Variants in SNTB2 observed in about 807,000 individuals in gnomAD.
SNTB2 encodes syntrophin beta 2.
In SNTB2, 34 loss-of-function variants were observed where a neutral mutation model predicts 46.2. The ratio of observed to expected loss-of-function variants is 0.74; its 90% CI spans 0.56 to 0.98. The LOEUF (loss-of-function observed/expected upper bound fraction) is 0.98, where lower values mean the gene tolerates loss of function less well. SNTB2 is among the 50% of genes least tolerant of loss of function. The probability of loss-of-function intolerance (pLI) is 0.00; values close to 1 mark genes in which losing one functional copy is unlikely to be tolerated. For synonymous variants in SNTB2, 290 were observed against 312.6 expected (o/e 0.93, Z 0.76); for missense variants, 603 against 731.4 (o/e 0.82, Z 2.02).
Position 69,260,921 on chromosome 16 carries a change from T to G in SNTB2, c.1005+661T>G, listed in dbSNP as rs963213321. On this transcript the variant is annotated intron_variant, in intron 3 of 6. Coordinates refer to ENST00000336278, the MANE Select transcript of SNTB2 (RefSeq NM_006750.4). Reference sequence around the variant, plus strand: ...AGAAACAAGAAAGTCTGAGTGGATGTTGAGTTAAAGGAAAAGAACTTGAAA... The same window carrying G: ...AGAAACAAGAAAGTCTGAGTGGATGGTGAGTTAAAGGAAAAGAACTTGAAA... 5.3e-5 allele frequency among the ~76,000 whole-genome samples: 8 copies of G among 152,184 alleles called. No individual in the cohort carries two copies. In the East Asian group the frequency reaches 1.3e-3, roughly 26 times the overall value.
intron 1 of SNTB2, among the ~76,000 whole-genome samples, chr16:69,244,963 T>C (rs765899523): frequency 2.6e-5 from 4 of 152,144 alleles, no homozygotes; most frequent in Admixed American, 6.5e-5. Flanking sequence ...CTTAGCTTAG[T>C]ATGGGGAGGA....
intron 1 of SNTB2, among the ~76,000 whole-genome samples, chr16:69,214,411 G>A (rs1441522749): frequency 6.6e-6 from 1 of 151,806 alleles, no homozygotes; most frequent in Non-Finnish European, 1.5e-5. Context: ...GCCTCCCAAA[G>A]TGCTAGGATT....
rs1374410457 is a variant in SNTB2, at chr16:69,306,570, T to C, written c.*5646T>C. On this transcript the variant is annotated 3_prime_UTR_variant, in exon 7 of 7. Transcript: ENST00000336278. Reference sequence around the variant, plus strand: ...TTGAATTGCCCCTTTTAAAATAGATTGGTTAAAACCAAAAACCTATAAGAG... The same window carrying C: ...TTGAATTGCCCCTTTTAAAATAGATCGGTTAAAACCAAAAACCTATAAGAG... 6.6e-6 allele frequency: 1 copy of C among 152,246 alleles called. No individual in the cohort carries two copies. The highest frequency in any genetic ancestry group is 1.5e-5 in the Non-Finnish European group (1 of 68,040). 9.4% of individuals were successfully genotyped at this position (152,246 alleles called of 1,614,324 possible). A position where few individuals can be genotyped will look rare whatever the true frequency, so the allele number is the denominator to read the frequency against.
intron 1 of SNTB2, among the ~76,000 whole-genome samples, chr16:69,208,998 G>GTGTGTGTGTGTGTGTGTGT (rs1567397581): frequency 2.0e-5 from 3 of 152,042 alleles, no homozygotes; most frequent in Admixed American, 6.6e-5. Context: ...GTGTTTTTGA[G>GTGTGTGTGTGTGTGTGTGT]ATGGAGTCTC....
At chr16:69,221,525 C>T (rs893422689) in intron 1 of SNTB2, among the ~76,000 whole-genome samples, 2 of 152,236 alleles carry the variant, frequency 1.3e-5, no homozygotes, top group African/African-American at 4.8e-5. Context: ...CCTGTAATTC[C>T]AGCAGTTTGG....
chr16:69,243,308 A>G (rs539381680), intron 1 of SNTB2, among the ~76,000 whole-genome samples: 1 of 152,286 alleles, frequency 6.6e-6, no homozygotes, highest in African/African-American at 2.4e-5. Flanking sequence ...GCCATTCCCA[A>G]ACATAGAAAC....
intron 1 of SNTB2, chr16:69,231,138 G>A (rs1252912145): frequency 2.0e-5 from 3 of 152,208 alleles, no homozygotes; most frequent in East Asian, 3.8e-4. Flanking sequence ...CCTATATAGA[G>A]TCTAAACTTT....
Position 69,190,581 on chromosome 16 carries a change from CAG to C in SNTB2, c.580+2838_580+2839del, listed in dbSNP as rs540220823. Among the ~76,000 whole-genome samples the C allele has an allele frequency of 2.2e-4, 33 of 152,204 alleles. No individual in the cohort carries two copies. In the East Asian group the frequency reaches 6.0e-3, roughly 28 times the overall value. On this transcript the variant is annotated intron_variant, in intron 1 of 6. Transcript: ENST00000336278. ...AGAAGTTTGCACAACCCAAAGGAGA[CAG>C]AGGTCTATATAGGTCCATCATGGGA...
At chr16:69,297,878 C>T (rs890874265) in intron 5 of SNTB2, among the ~76,000 whole-genome samples, 6 of 152,124 alleles carry the variant, frequency 3.9e-5, no homozygotes, top group Non-Finnish European at 8.8e-5. Context: ...CACGCCACTG[C>T]ACCCCAGCCT....
intron 1 of SNTB2, among the ~76,000 whole-genome samples, chr16:69,223,685 G>A (rs1016496037): frequency 6.6e-6 from 1 of 151,850 alleles, no homozygotes; most frequent in Non-Finnish European, 1.5e-5. Flanking sequence ...CTGGAGTGCA[G>A]TGGCCCAATC....
At chr16:69,237,332 C>T (rs904905277) in intron 1 of SNTB2, among the ~76,000 whole-genome samples, 4 of 151,924 alleles carry the variant, frequency 2.6e-5, no homozygotes, top group Non-Finnish European at 4.4e-5. Context: ...TTGGAATGGT[C>T]GAGCATAAGG....
At chr16:69,212,021 A>T (rs534693242) in intron 1 of SNTB2, among the ~76,000 whole-genome samples, 1 of 152,302 alleles carries the variant, frequency 6.6e-6, no homozygotes, top group South Asian at 2.1e-4. Context: ...ACTACCTTTC[A>T]TGATATCTTA....
At chr16:69,245,505 C>A in intron 1 of SNTB2, 97 bp from the exon 2 acceptor site, 1 of 1,244,544 alleles carries the variant, frequency 8.0e-7, no homozygotes, top group Non-Finnish European at 1.2e-6. Context: ...CTTTCCTCCA[C>A]TTTGTTATAG....
chr16:69,265,203 C>T (rs958276343), intron 3 of SNTB2, among the ~76,000 whole-genome samples: 16 of 151,836 alleles, frequency 1.1e-4, no homozygotes, highest in African/African-American at 3.1e-4. Context: ...GAGCCGAGAT[C>T]GCGCCACTGC....
intron 3 of SNTB2, among the ~76,000 whole-genome samples, chr16:69,268,592 C>T (rs776213291): frequency 1.2e-4 from 18 of 152,276 alleles, no homozygotes; most frequent in Admixed American, 2.0e-4. Context: ...AGGCCAGGCG[C>T]GTTGGCTCAC....
intron 1 of SNTB2, chr16:69,240,858 GTTTA>G (rs146272572): frequency 0.12 from 18,271 of 152,348 alleles, 1,254 homozygotes; most frequent in Middle Eastern, 0.22. Flanking sequence ...GTTTCGTTTT[GTTTA>G]TTTGTTTGTT....
intron 4 of SNTB2, among the ~76,000 whole-genome samples, chr16:69,270,589 T>G (rs1418785253): frequency 2.0e-5 from 3 of 152,232 alleles, no homozygotes; most frequent in African/African-American, 7.2e-5. Flanking sequence ...TTTTCTTTAT[T>G]TTATTGACTG....
intron 1 of SNTB2, among the ~76,000 whole-genome samples, chr16:69,195,941 A>G (rs1223018170): frequency 6.6e-6 from 1 of 152,164 alleles, no homozygotes; most frequent in East Asian, 1.9e-4. Flanking sequence ...AACAGGCTAT[A>G]GGGCTTAAAA....
chr16:69,199,019 C>G (rs1476577105), intron 1 of SNTB2, among the ~76,000 whole-genome samples: 2 of 151,504 alleles, frequency 1.3e-5, no homozygotes, highest in African/African-American at 2.4e-5. Flanking sequence ...GCCTCAGCCT[C>G]CCGAGTAGCT....
Sources: gnomAD v4.1 joint callset for allele counts (sites outside exome capture counted in the v4.1 genomes callset) on GRCh38, gnomAD v4.1.1 for gene constraint, MANE v1.5 for transcripts, NCBI Gene and HGNC (gene_info 2026-07-23, HGNC 2026-07-21) for gene names.